CIMIP6: variants seen among roughly 807,000 people sequenced by gnomAD.
The protein encoded by CIMIP6 is ciliary microtubule inner protein 6.
chr2:54,336,503 T>G, the CIMIP6 span, among the ~76,000 whole-genome samples: 1 of 152,212 alleles, frequency 6.6e-6, no homozygotes, highest in African/African-American at 2.4e-5. Flanking sequence ...CTTATTTATG[T>G]AAGGATAGTA....
the CIMIP6 span, among the ~76,000 whole-genome samples, chr2:54,367,559 G>T: frequency 6.6e-6 from 1 of 152,056 alleles, no homozygotes; most frequent in Non-Finnish European, 1.5e-5. Context: ...ATGATGTAGG[G>T]AGGACAGGCA....
the CIMIP6 span, among the ~76,000 whole-genome samples, chr2:54,346,749 A>T: frequency 6.6e-6 from 1 of 152,190 alleles, no homozygotes; most frequent in Non-Finnish European, 1.5e-5. Context: ...AGTGCAGTAC[A>T]GCTGCTATTA....
the CIMIP6 span, among the ~76,000 whole-genome samples, chr2:54,345,339 T>G: frequency 6.6e-6 from 1 of 152,314 alleles, no homozygotes; most frequent in South Asian, 2.1e-4. Flanking sequence ...GAGAAATGAC[T>G]AGGAAGATAA....
At chr2:54,378,643 G>T in the CIMIP6 span, among the ~76,000 whole-genome samples, 1 of 152,204 alleles carries the variant, frequency 6.6e-6, no homozygotes, top group African/African-American at 2.4e-5. Context: ...CAGAGGTACC[G>T]GTTCTAACAA....
At chr2:54,350,398 C>T in the CIMIP6 span, among the ~76,000 whole-genome samples, 1 of 152,150 alleles carries the variant, frequency 6.6e-6, no homozygotes, top group Non-Finnish European at 1.5e-5. Flanking sequence ...CTTGTGTGGC[C>T]ACATTCACTT....
chr2:54,346,478 C>CT, the CIMIP6 span, among the ~76,000 whole-genome samples: 1 of 152,150 alleles, frequency 6.6e-6, no homozygotes, highest in Non-Finnish European at 1.5e-5. Flanking sequence ...TCTTGGATAG[C>CT]TAGTCACCTT....
At chr2:54,365,532 A>G in the CIMIP6 span, among the ~76,000 whole-genome samples, 32,484 of 152,120 alleles carry the variant, frequency 0.21, 3,743 homozygotes, top group East Asian at 0.48. Flanking sequence ...GACTCAAGAC[A>G]TAAGAGAATA....
the CIMIP6 span, among the ~76,000 whole-genome samples, chr2:54,338,920 G>A: frequency 1.4e-5 from 1 of 73,654 alleles, no homozygotes; most frequent in South Asian, 3.1e-4. Flanking sequence ...GGGAGGCTGA[G>A]GTGGGCAGAT....
chr2:54,370,219 C>A, the CIMIP6 span, among the ~76,000 whole-genome samples: 1 of 151,940 alleles, frequency 6.6e-6, no homozygotes, highest in African/African-American at 2.4e-5. Flanking sequence ...TATGCCACTG[C>A]ACTCCAGCCT....
chr2:54,347,470 A>G, the CIMIP6 span, among the ~76,000 whole-genome samples: 1 of 152,224 alleles, frequency 6.6e-6, no homozygotes, highest in Non-Finnish European at 1.5e-5. Context: ...TACATATGGC[A>G]TATGATTTTT....
the CIMIP6 span, among the ~76,000 whole-genome samples, chr2:54,354,951 C>T: frequency 6.6e-6 from 1 of 151,820 alleles, no homozygotes; most frequent in East Asian, 1.9e-4. Context: ...TTGTTATTTT[C>T]TTCCTTATAT....
the CIMIP6 span, chr2:54,381,748 T>A: frequency 2.1e-6 from 3 of 1,409,902 alleles, no homozygotes; most frequent in Admixed American, 3.3e-5. Context: ...TTTTCCATCA[T>A]GGGCACATTT....
At chr2:54,331,088 C>T in the CIMIP6 span, 4 of 1,334,438 alleles carry the variant, frequency 3.0e-6, 1 homozygote, top group South Asian at 3.7e-5. Context: ...CATGGACAGT[C>T]CAGGCCAAGC....
At chr2:54,341,846 G>A in the CIMIP6 span, among the ~76,000 whole-genome samples, 1 of 152,206 alleles carries the variant, frequency 6.6e-6, no homozygotes, top group Non-Finnish European at 1.5e-5. Flanking sequence ...TTGTGAAGTG[G>A]AGTGGAGAAG....
the CIMIP6 span, chr2:54,343,948 T>A: frequency 8.1e-7 from 1 of 1,241,040 alleles, no homozygotes; most frequent in East Asian, 2.7e-5. Context: ...GTATTAGATG[T>A]CCGGACAGCT....
At chr2:54,332,005 G>A in the CIMIP6 span, among the ~76,000 whole-genome samples, 1 of 152,122 alleles carries the variant, frequency 6.6e-6, no homozygotes, top group African/African-American at 2.4e-5. Context: ...TAAAGGAAAT[G>A]GGCCCCATAA....
the CIMIP6 span, among the ~76,000 whole-genome samples, chr2:54,376,755 C>T: frequency 6.6e-6 from 1 of 152,216 alleles, no homozygotes; most frequent in African/African-American, 2.4e-5. Context: ...TGTTCACACA[C>T]CTCAACAGCC....
At chr2:54,352,912 A>C in the CIMIP6 span, among the ~76,000 whole-genome samples, 1 of 152,348 alleles carries the variant, frequency 6.6e-6, no homozygotes, top group Non-Finnish European at 1.5e-5. Flanking sequence ...ACCTATGGAT[A>C]GAGAGCACCA....
At chr2:54,373,340 A>AC in the CIMIP6 span, among the ~76,000 whole-genome samples, 1 of 150,818 alleles carries the variant, frequency 6.6e-6, no homozygotes, top group African/African-American at 2.4e-5. Context: ...AGGCCTTCAC[A>AC]CCCCCCATGG....
Sources: gnomAD v4.1 joint callset for allele counts (sites outside exome capture counted in the v4.1 genomes callset) on GRCh38, gnomAD v4.1.1 for gene constraint, MANE v1.5 for transcripts, NCBI Gene and HGNC (gene_info 2026-07-23, HGNC 2026-07-21) for gene names.